The following MCUB variants were observed in gnomAD, a reference collection of about 807,000 sequenced individuals.
MCUB encodes mitochondrial calcium uniporter dominant negative subunit beta, also known as calcium uniporter regulatory subunit MCUb, mitochondrial.
Under a neutral mutation model 41.4 loss-of-function variants are expected in MCUB, and 46 were observed. The observed-to-expected ratio is 1.11, with a 90% CI of 0.88 to 1.42. MCUB has a LOEUF of 1.42. MCUB is among the 40% of genes most tolerant of loss of function. MCUB has a pLI of 0.00. For missense variants in MCUB, 403 were observed against 404.9 expected, an observed-to-expected ratio of 1.00 and a Z score of 0.04; for synonymous variants, 148 against 148.2, an observed-to-expected ratio of 1.00 and a Z score of 0.01.
At chr4:109,622,219 A>G (rs60584554) in intron 1 of MCUB, among the ~76,000 whole-genome samples, 2,927 of 152,306 alleles carry the variant, frequency 0.019, 90 homozygotes, top group African/African-American at 0.067. Flanking sequence ...TTTCTGAATT[A>G]TAAAAGGACA....
chr4:109,679,241 G>T (rs576481665), intron 4 of MCUB, among the ~76,000 whole-genome samples: 3 of 152,334 alleles, frequency 2.0e-5, no homozygotes, highest in Admixed American at 2.0e-4. Flanking sequence ...CTTCCTAGAC[G>T]GGGTGGCGGC....
intron 4 of MCUB, among the ~76,000 whole-genome samples, chr4:109,677,802 ATTTTTTTTTTTTTTTTTT>A (rs71595506): frequency 1.2e-5 from 1 of 86,606 alleles, no homozygotes; most frequent in Non-Finnish European, 2.1e-5. Flanking sequence ...AAGGAAACAA[ATTTTTTTTTTTTTTTTTT>A]TTTTTTTTTA....
intron 4 of MCUB, among the ~76,000 whole-genome samples, chr4:109,677,419 A>G (rs1729597546): frequency 6.6e-6 from 1 of 152,056 alleles, no homozygotes; most frequent in Non-Finnish European, 1.5e-5. Flanking sequence ...GGCTCTTGGG[A>G]TGGAGTGAAT....
intron 1 of MCUB, among the ~76,000 whole-genome samples, chr4:109,634,623 A>G (rs1018023782): frequency 1.3e-5 from 2 of 152,078 alleles, no homozygotes; most frequent in Non-Finnish European, 2.9e-5. Flanking sequence ...ATGGAATCTC[A>G]TATACTCTTT....
intron 1 of MCUB, among the ~76,000 whole-genome samples, chr4:109,588,025 T>TA (rs1453979187): frequency 6.6e-6 from 1 of 152,242 alleles, no homozygotes; most frequent in Non-Finnish European, 1.5e-5. Context: ...GTTAAGTATC[T>TA]AATGGACAGT....
chr4:109,665,797 T>G (rs1437559813), intron 4 of MCUB, among the ~76,000 whole-genome samples: 1 of 152,126 alleles, frequency 6.6e-6, no homozygotes, highest in Non-Finnish European at 1.5e-5. Flanking sequence ...CAGATTCGCT[T>G]CTTTCTTTCT....
intron 4 of MCUB, chr4:109,681,384 G>A: frequency 2.3e-6 from 1 of 427,588 alleles, no homozygotes; most frequent in South Asian, 1.7e-5. Context: ...TCTCCAAGCT[G>A]AAAAGGGTCT....
At chr4:109,607,483 G>C (rs1189951180) in intron 1 of MCUB, among the ~76,000 whole-genome samples, 4 of 152,202 alleles carry the variant, frequency 2.6e-5, no homozygotes, top group Non-Finnish European at 5.9e-5. Context: ...CTCCCAAAGT[G>C]CTGGGATTAC....
At chr4:109,661,889 C>G (rs545546628) in intron 3 of MCUB, among the ~76,000 whole-genome samples, 5 of 152,112 alleles carry the variant, frequency 3.3e-5, no homozygotes, top group Non-Finnish European at 1.5e-5. Flanking sequence ...AAAAATTAGC[C>G]AGGTGTAGTG....
chr4:109,645,249 G>A (rs1436023742), intron 1 of MCUB, among the ~76,000 whole-genome samples: 1 of 152,076 alleles, frequency 6.6e-6, no homozygotes, highest in Admixed American at 6.6e-5. Context: ...GGTAGAGGTT[G>A]TACGAGTAGT....
intron 1 of MCUB, among the ~76,000 whole-genome samples, chr4:109,623,425 G>C (rs945449199): frequency 6.6e-5 from 10 of 152,292 alleles, no homozygotes; most frequent in Admixed American, 2.6e-4. Flanking sequence ...GCTTCAAAAG[G>C]CATCATAATT....
intron 1 of MCUB, among the ~76,000 whole-genome samples, chr4:109,578,814 T>C (rs1295704405): frequency 1.3e-5 from 2 of 152,090 alleles, no homozygotes; most frequent in African/African-American, 4.8e-5. Context: ...TTTTCTCCTC[T>C]CTCTTTTTTG....
chr4:109,634,485 G>GA (rs34174576), intron 1 of MCUB, among the ~76,000 whole-genome samples: 2,368 of 124,390 alleles, frequency 0.019, 51 homozygotes, highest in African/African-American at 0.06. Flanking sequence ...CTCTGTCTCA[G>GA]AAAAAAAAAA....
intron 4 of MCUB, among the ~76,000 whole-genome samples, chr4:109,675,072 AAAGT>A (rs1729542678): frequency 6.6e-6 from 1 of 152,264 alleles, no homozygotes; most frequent in South Asian, 2.1e-4. Flanking sequence ...TATTGTTATT[AAAGT>A]AAGTGACCCA....
At chr4:109,593,155 A>C (rs967566113) in intron 1 of MCUB, among the ~76,000 whole-genome samples, 22 of 152,196 alleles carry the variant, frequency 1.4e-4, no homozygotes, top group African/African-American at 5.3e-4. Flanking sequence ...CAGGGATGGG[A>C]TGTAGTGAAA....
rs1287092932 is a variant in MCUB, at chr4:109,660,358, C to T, written c.339C>T (p.Phe113=). The change falls in exon 3 of 8, where the codon TTC becomes TTT. Residue 113 remains phenylalanine (F), a synonymous_variant. Transcript: ENST00000394650. ...EDKGIKTAAI[F]TADGNMISAS... is the part of the protein sequence containing the mutation. ...AGGGTATCAAAACTGCAGCCATCTTCACAGCAGGTATATATGTATATAATT... is the reference window on the plus strand; with the variant it reads ...AGGGTATCAAAACTGCAGCCATCTTTACAGCAGGTATATATGTATATAATT... 4 of 1,591,118 alleles carry T rather than the reference C, an allele frequency of 2.5e-6. No individual in the cohort carries two copies. Among genetic ancestry groups the T allele is most frequent in the Non-Finnish European group, 3.4e-6 (4 of 1,160,282 alleles).
chr4:109,679,690 G>T (rs114972412), intron 4 of MCUB, among the ~76,000 whole-genome samples: 10 of 152,206 alleles, frequency 6.6e-5, no homozygotes, highest in Non-Finnish European at 4.4e-5. Context: ...CTGTGGTATC[G>T]TGTTATAGAA....
chr4:109,662,016 G>A (rs1729241597), intron 3 of MCUB, among the ~76,000 whole-genome samples: 1 of 152,184 alleles, frequency 6.6e-6, no homozygotes, highest in East Asian at 1.9e-4. Context: ...CTGAGTGATA[G>A]AGTGAGACTG....
chr4:109,669,239 G>A (rs1400786675), intron 4 of MCUB, among the ~76,000 whole-genome samples: 5 of 151,870 alleles, frequency 3.3e-5, no homozygotes, highest in African/African-American at 4.8e-5. Context: ...CTCAATTTTT[G>A]TTTGAAAATA....
Sources: allele counts gnomAD v4.1 joint callset (sites outside exome capture counted in the v4.1 genomes callset), GRCh38; gene constraint gnomAD v4.1.1; transcripts MANE v1.5; gene names NCBI Gene and HGNC (gene_info 2026-07-23, HGNC 2026-07-21).